SRPRB: variants seen among roughly 807,000 people sequenced by gnomAD.
SRPRB encodes signal recognition particle receptor subunit beta.
SRPRB carries 20 observed loss-of-function variants against 31.9 expected under a neutral mutation model. The observed-to-expected ratio is 0.63, with a 90% CI of 0.44 to 0.91. The LOEUF (loss-of-function observed/expected upper bound fraction) is 0.91, where lower values mean the gene tolerates loss of function less well. Among genes scored for constraint, SRPRB ranks in the 40% least tolerant of loss-of-function variants. The pLI, the probability that SRPRB is intolerant of heterozygous loss-of-function variation, is 0.00. For synonymous variants in SRPRB, 146 were observed against 132.8 expected, an observed-to-expected ratio of 1.10 and a Z score of -0.68; for missense variants, 321 against 324.9, an observed-to-expected ratio of 0.99 and a Z score of 0.09.
At chr3:133,792,653 T>G (rs979357273) in intron 1 of SRPRB, 1 of 152,216 alleles carries the variant, frequency 6.6e-6, no homozygotes, top group African/African-American at 2.4e-5. Context: ...CAGTTTTACA[T>G]GCAAGTTACG....
intron 1 of SRPRB, chr3:133,794,846 T>C (rs1934927508): frequency 6.6e-6 from 1 of 152,204 alleles, no homozygotes; most frequent in Non-Finnish European, 1.5e-5. Flanking sequence ...ATTTTTTCCT[T>C]GCTTTTGCCT....
rs149930354 is a variant in SRPRB, at chr3:133,805,868, G to A, written c.20G>A (p.Arg7His). The change falls in exon 1 of 7, where the codon CGC (arginine) becomes CAC (histidine). Residue 7 changes from arginine to histidine, a missense_variant. By Grantham distance (29) the Arg-to-His change is conservative. Transcript: ENST00000678299. MASADS[R>H]RVADGGGAGG... is the part of the protein sequence containing the mutation. Reference sequence around the variant, plus strand: ...TCATCCATGGCTTCCGCGGACTCGCGCCGGGTGGCAGATGGCGGCGGTGCC... The same window carrying A: ...TCATCCATGGCTTCCGCGGACTCGCACCGGGTGGCAGATGGCGGCGGTGCC... 6.2e-7 allele frequency: 1 copy of A among 1,611,726 alleles called. No individual in the cohort carries two copies. The highest frequency in any genetic ancestry group is 8.5e-7 in the Non-Finnish European group (1 of 1,178,886).
At chr3:133,803,100 T>G (rs183790590), upstream of SRPRB, among the ~76,000 whole-genome samples, 16 of 152,342 alleles carry the variant, frequency 1.1e-4, no homozygotes, top group Admixed American at 3.9e-4. Flanking sequence ...TTTCTGTCTC[T>G]GTATTAGACT....
At chr3:133,804,582 G>C (rs1050581137), upstream of SRPRB, among the ~76,000 whole-genome samples, 3 of 152,168 alleles carry the variant, frequency 2.0e-5, no homozygotes, top group Non-Finnish European at 4.4e-5. Flanking sequence ...CGTCCTAACA[G>C]ATGTATTTTT....
chr3:133,789,313 T>G (rs1934770545), intron 1 of SRPRB: 1 of 152,316 alleles, frequency 6.6e-6, no homozygotes, highest in Non-Finnish European at 1.5e-5. Context: ...GCTGCTGTTC[T>G]AAGCAGGGGC....
chr3:133,817,273 GTGTT>G (rs1370421578), intron 6 of SRPRB, among the ~76,000 whole-genome samples: 1 of 152,176 alleles, frequency 6.6e-6, no homozygotes, highest in Non-Finnish European at 1.5e-5. Flanking sequence ...GTGAGTGGAA[GTGTT>G]TGTTCACCAC....
upstream of SRPRB, among the ~76,000 whole-genome samples, chr3:133,802,532 C>G (rs1473304421): frequency 6.6e-6 from 1 of 152,214 alleles, no homozygotes; most frequent in East Asian, 1.9e-4. Context: ...CCCACACTGC[C>G]CCATCCCTTG....
downstream of SRPRB, chr3:133,821,637 A>T (rs143135400): frequency 3.3e-4 from 50 of 152,308 alleles, no homozygotes; most frequent in African/African-American, 1.2e-3. Flanking sequence ...AAAAAGGATA[A>T]TTCTATCTGG....
At position 133,815,735 on chromosome 3, in the gene SRPRB, A is replaced by G. The variant is rs1559892738; in HGVS notation, c.547+9A>G. The G allele has an allele frequency of 4.3e-6, 7 of 1,610,806 alleles. No individual in the cohort carries two copies. Among genetic ancestry groups the G allele is most frequent in the Admixed American group, 3.3e-5 (2 of 59,726 alleles). On this transcript the variant is annotated intron_variant, in intron 5 of 6. Coordinates refer to ENST00000678299, the MANE Select transcript of SRPRB (RefSeq NM_001379313.1). ...AGCCTGCAATAAGCAAGGTGCCATC[A>G]TGTTTTCTTGCAATAATAATTGAGT...
At chr3:133,786,315 T>C (rs1019868555) in intron 1 of SRPRB, 6 of 151,666 alleles carry the variant, frequency 4.0e-5, no homozygotes, top group Non-Finnish European at 7.4e-5. Flanking sequence ...GATAGTAAAA[T>C]AACACATTTT....
chr3:133,809,871 CTTTTTTATTATGGTTACTGGAATAT>C (rs916255637), intron 3 of SRPRB, among the ~76,000 whole-genome samples: 14 of 151,858 alleles, frequency 9.2e-5, no homozygotes, highest in South Asian at 6.2e-4. Context: ...TTTCTTTTTA[CTTTTTTATTATGGTTACTGGAATAT>C]TTAAAATTAC....
At chr3:133,789,557 T>A (rs960343047) in intron 1 of SRPRB, 2 of 152,344 alleles carry the variant, frequency 1.3e-5, no homozygotes, top group African/African-American at 4.8e-5. Flanking sequence ...TCTTCATTTG[T>A]GTGTGTGTAT....
At chr3:133,821,840 C>T (rs189339287), downstream of SRPRB, among the ~76,000 whole-genome samples, 3 of 152,248 alleles carry the variant, frequency 2.0e-5, no homozygotes, top group Non-Finnish European at 2.9e-5. Flanking sequence ...GTCACGTGTG[C>T]CTTTACTTTG....
chr3:133,789,879 G>GTTTTTTTTTTTT (rs56267966), intron 1 of SRPRB: 4 of 88,964 alleles, frequency 4.5e-5, no homozygotes, highest in African/African-American at 5.5e-5. Context: ...TCTCGTTTGC[G>GTTTTTTTTTTTT]TTTTTTTTTT....
At chr3:133,815,545 C>CTGT (rs781549647) in intron 4 of SRPRB, 45 bp from the exon 5 acceptor site, 1 of 1,610,556 alleles carries the variant, frequency 6.2e-7, no homozygotes, top group Middle Eastern at 1.7e-4. Context: ...TAATGATGTC[C>CTGT]TGTTACACGT....
In SRPRB at chr3:133,789,920, A is replaced by G. The variant is rs1356226354; in HGVS notation, c.-174+5776A>G. 3.2e-5 allele frequency: 4 copies of G among 126,496 alleles called. No homozygotes were observed. The East Asian group carries it at 9.3e-4, about 29-fold the overall frequency. 7.8% of individuals were successfully genotyped at this position (126,496 alleles called of 1,614,324 possible). On this transcript the variant is annotated intron_variant, in intron 1 of 7. Coordinates refer to the SRPRB transcript ENST00000466490. The stretch of plus-strand genomic sequence containing the variant: ...TTTTTTTTTTTTTTGACAAATGAGC[A>G]TAATTTAATGTTAGCTAAATCTTCT...
chr3:133,801,996 C>G (rs924832337), upstream of SRPRB, among the ~76,000 whole-genome samples: 1 of 152,108 alleles, frequency 6.6e-6, no homozygotes, highest in African/African-American at 2.4e-5. Flanking sequence ...GCCCAATTGC[C>G]TGGGATGAAG....
chr3:133,811,421 A>G (rs1375985886), intron 4 of SRPRB, among the ~76,000 whole-genome samples: 2 of 152,174 alleles, frequency 1.3e-5, no homozygotes, highest in African/African-American at 4.8e-5. Flanking sequence ...TTTAGTGTTT[A>G]GGAAATGTTA....
upstream of SRPRB, chr3:133,805,776 C>T (rs1935139350): frequency 1.3e-6 from 2 of 1,512,250 alleles, no homozygotes; most frequent in East Asian, 2.4e-5. Flanking sequence ...TCGCGTGAGG[C>T]TCTGCTCCCC....
Sources: allele counts gnomAD v4.1 joint callset (sites outside exome capture counted in the v4.1 genomes callset), GRCh38; gene constraint gnomAD v4.1.1; transcripts MANE v1.5; gene names NCBI Gene and HGNC (gene_info 2026-07-23, HGNC 2026-07-21).